TFCP2L1: variants seen among roughly 807,000 people sequenced by gnomAD.
TFCP2L1 encodes the protein transcription factor CP2 like 1.
Under a neutral mutation model 72.2 loss-of-function variants are expected in TFCP2L1, and 12 were observed. The observed-to-expected ratio is 0.17, with a 90% CI of 0.11 to 0.27. The LOEUF is 0.27. Among genes scored for constraint, TFCP2L1 ranks in the 10% least tolerant of loss-of-function variants. The probability of loss-of-function intolerance (pLI) is 1.00; values close to 1 mark genes in which losing one functional copy is unlikely to be tolerated. For synonymous variants in TFCP2L1, 260 were observed against 251.0 expected (o/e 1.04, Z -0.34); for missense variants, 488 against 624.6 (o/e 0.78, Z 2.33).
At chr2:121,241,561 T>C (rs1405113112) in intron 7 of TFCP2L1, among the ~76,000 whole-genome samples, 7 of 150,900 alleles carry the variant, frequency 4.6e-5, no homozygotes, top group Non-Finnish European at 8.8e-5. Context: ...CATGGACATA[T>C]GGAGGGTTGG....
At chr2:121,226,442 G>A (rs578066986) in intron 13 of TFCP2L1, among the ~76,000 whole-genome samples, 55 of 151,754 alleles carry the variant, frequency 3.6e-4, no homozygotes, top group African/African-American at 1.2e-3. Context: ...TCTCTATAAC[G>A]GATGCATTAC....
At chr2:121,242,729 G>C (rs980139457) in intron 6 of TFCP2L1, among the ~76,000 whole-genome samples, 1 of 152,182 alleles carries the variant, frequency 6.6e-6, no homozygotes, top group Admixed American at 6.5e-5. Context: ...AGGAAGCTTG[G>C]GGACCCACAA....
chr2:121,244,082 C>T (rs954241159), intron 6 of TFCP2L1, among the ~76,000 whole-genome samples: 2 of 152,120 alleles, frequency 1.3e-5, no homozygotes, highest in South Asian at 2.1e-4. Context: ...CATACCCCCA[C>T]GACCTGGCTT....
At position 121,234,119 on chromosome 2, in the gene TFCP2L1, C is replaced by T. The variant is rs1364843171; in HGVS notation, c.1170G>A (p.Arg390=). Residue 390 remains arginine, a synonymous_variant, in exon 12 of 15, where the codon CGG becomes CGA. Coordinates refer to ENST00000263707, the MANE Select transcript of TFCP2L1 (RefSeq NM_014553.3). ...ACAGGTTGCTGTCTCCACTGCCGTC[C>T]CGCTTCTGCTGCAGGGGCACTCGAT... ...EQNRVPLQQK[R]DGSGDSNLSV... The T allele has an allele frequency of 1.2e-6, 2 of 1,613,980 alleles. No homozygotes were observed. Among genetic ancestry groups the T allele is most frequent in the Admixed American group, 3.3e-5 (2 of 60,036 alleles).
intron 2 of TFCP2L1, 64 bp downstream of exon 2, chr2:121,281,056 G>T: frequency 6.2e-7 from 1 of 1,605,808 alleles, no homozygotes; most frequent in Non-Finnish European, 8.5e-7. Flanking sequence ...GCCCAAATGG[G>T]CCTTTCGCAT....
In TFCP2L1 at chr2:121,217,399, G is replaced by A. The variant is rs1384845430; in HGVS notation, c.*6942C>T. On this transcript the variant is annotated 3_prime_UTR_variant, in exon 15 of 15. Coordinates refer to ENST00000263707, the MANE Select transcript of TFCP2L1 (RefSeq NM_014553.3). ...GTGCACAGAGGCTGGACAAGCCACA[G>A]GGGGCTGGATGGCCACAGCCGGACC... 4 of 152,324 alleles carry A rather than the reference G, an allele frequency of 2.6e-5. No individual in the cohort carries two copies. Among genetic ancestry groups the A allele is most frequent in the Non-Finnish European group, 5.9e-5 (4 of 68,106 alleles). The allele number at this position is 152,324 out of a possible 1,614,324, so 9.4% of individuals were successfully genotyped here. A position where few individuals can be genotyped will look rare whatever the true frequency, so the allele number is the denominator to read the frequency against.
intron 12 of TFCP2L1, among the ~76,000 whole-genome samples, chr2:121,233,281 C>T (rs1048860976): frequency 3.3e-5 from 5 of 152,118 alleles, no homozygotes; most frequent in Non-Finnish European, 7.4e-5. Flanking sequence ...CAACCTCCAC[C>T]TCCCTCCGCC....
chr2:121,235,688 G>C (rs989747162), intron 10 of TFCP2L1, among the ~76,000 whole-genome samples: 2 of 150,798 alleles, frequency 1.3e-5, no homozygotes, highest in East Asian at 3.9e-4. Context: ...TCAAAGTACT[G>C]GGATTACAGA....
rs78804670 is a variant in TFCP2L1, at chr2:121,271,282, C to T, written c.214+9838G>A. ...TTTGTCTTAAAAAGCAAAAGGTACA[C>T]GTGGCGAACATATATAAGGTTATAT... On this transcript the variant is annotated intron_variant, in intron 2 of 14. Transcript: ENST00000263707. Among the ~76,000 whole-genome samples the T allele has an allele frequency of 3.3e-4, 50 of 151,440 alleles. 1 individual carries two copies. The East Asian group carries it at 4.3e-3, about 13-fold the overall frequency.
chr2:121,232,777 A>G (rs1319744296), intron 12 of TFCP2L1, among the ~76,000 whole-genome samples: 1 of 152,158 alleles, frequency 6.6e-6, no homozygotes, highest in Non-Finnish European at 1.5e-5. Flanking sequence ...CTAAGGAGAG[A>G]AGAGAGCACC....
At position 121,239,560 on chromosome 2, in the gene TFCP2L1, T is replaced by C. The variant is rs1167825822; in HGVS notation, c.858A>G (p.Glu286=). The change falls in exon 8 of 15, where the codon GAA becomes GAG. Residue 286 remains glutamate (E), a splice_region_variant and synonymous_variant. Transcript: ENST00000263707. ...NGSPNSFGLG[E]GNASPTHPVE... ...GAAGAAAGAGAGGTGGGACGTACCC[T>C]TCGCCGAGGCCAAAGCTGTTTGGAG... 1.2e-6 allele frequency: 2 copies of C among 1,614,152 alleles called. No individual in the cohort carries two copies. Among genetic ancestry groups the C allele is most frequent in the East Asian group, 2.2e-5 (1 of 44,870 alleles).
At chr2:121,242,593 G>A in intron 6 of TFCP2L1, 124 bp from the exon 7 acceptor site, 1 of 835,212 alleles carries the variant, frequency 1.2e-6, no homozygotes, top group Non-Finnish European at 2.0e-6. Context: ...GGGCAGGACA[G>A]CACCTATCTC....
rs775825304 is a variant in TFCP2L1, at chr2:121,231,597, C to G, written c.1341+229G>C. On this transcript the variant is annotated intron_variant, in intron 13 of 14. Coordinates refer to ENST00000263707, the MANE Select transcript of TFCP2L1 (RefSeq NM_014553.3). ...GTCTGTCCTCCTGGCTCCCACCGGG[C>G]ACCCAGCCCAGGAGGGGTAAGGAGT... 1.0e-3 allele frequency among the ~76,000 whole-genome samples: 154 copies of G among 152,376 alleles called. 3 individuals carry two copies. The highest frequency in any genetic ancestry group is 5.1e-4 in the Non-Finnish European group (35 of 68,036).
At chr2:121,272,546 A>T (rs985337447) in intron 2 of TFCP2L1, among the ~76,000 whole-genome samples, 1 of 152,166 alleles carries the variant, frequency 6.6e-6, no homozygotes, top group Non-Finnish European at 1.5e-5. Context: ...CCACCGTTTA[A>T]CTCTAAGAGA....
intron 2 of TFCP2L1, among the ~76,000 whole-genome samples, chr2:121,274,052 C>A (rs12465441): frequency 0.49 from 72,977 of 148,890 alleles, 18,244 homozygotes; most frequent in Middle Eastern, 0.57. Flanking sequence ...CGAGGTCACA[C>A]CACTGCAATC....
chr2:121,260,442 G>C (rs1253412600), intron 2 of TFCP2L1, among the ~76,000 whole-genome samples: 1 of 152,200 alleles, frequency 6.6e-6, no homozygotes, highest in African/African-American at 2.4e-5. Flanking sequence ...CGTATTAATA[G>C]TAAGTACTCA....
intron 5 of TFCP2L1, 77 bp downstream of exon 5, chr2:121,248,087 G>C: frequency 2.4e-6 from 3 of 1,258,352 alleles, no homozygotes; most frequent in Non-Finnish European, 3.4e-6. Context: ...TCCCAGATGG[G>C]TTAGTTTTGA....
Position 121,232,052 on chromosome 2 carries a change from G to A in TFCP2L1, c.1199-84C>T, listed in dbSNP as rs554523060. 6 of 1,468,160 alleles carry A rather than the reference G, an allele frequency of 4.1e-6. No homozygotes were observed. In the East Asian group the frequency reaches 9.8e-5, roughly 24 times the overall value. The allele number at this position is 1,468,160 out of a possible 1,614,324, so 90.9% of individuals were successfully genotyped here. On this transcript the variant is annotated intron_variant, in intron 12 of 14. Transcript: ENST00000263707. ...CCCACCCGCCCTGAGAAAGCAGTAA[G>A]TCCTTTGTCAAAATGCCACACCCAG... is the stretch of plus-strand genomic sequence containing the variant.
In TFCP2L1 at chr2:121,242,488, G is replaced by A. The variant is rs1686396670; in HGVS notation, c.658-19C>T. On this transcript the variant is annotated intron_variant, in intron 6 of 14. Transcript: ENST00000263707. ...CCTTCGGCTGCGAGCAGAGTACAGA[G>A]TCCAATCAGCCCAAAACCAACACAG... is the stretch of plus-strand genomic sequence containing the variant. The A allele has an allele frequency of 6.2e-7, 1 of 1,612,360 alleles. No individual in the cohort carries two copies. The highest frequency in any genetic ancestry group is 1.1e-5 in the South Asian group (1 of 91,066).
Sources: allele counts gnomAD v4.1 joint callset (sites outside exome capture counted in the v4.1 genomes callset), GRCh38; gene constraint gnomAD v4.1.1; transcripts MANE v1.5; gene names NCBI Gene and HGNC (gene_info 2026-07-23, HGNC 2026-07-21).